Variants in FGF13 observed in about 807,000 individuals in gnomAD.
The protein encoded by FGF13 is fibroblast growth factor homologous factor 2.
In FGF13, 2 loss-of-function variants were observed where a neutral mutation model predicts 19.5. That is an observed-to-expected ratio of 0.10 (90% CI 0.04 to 0.32). The LOEUF (loss-of-function observed/expected upper bound fraction) is 0.32, where lower values mean the gene tolerates loss of function less well. FGF13 is among the 10% of genes least tolerant of loss of function. FGF13 has a pLI of 1.00. For missense variants in FGF13, 113 were observed against 192.7 expected (o/e 0.59, Z 2.45); for synonymous variants, 72 against 76.9 (o/e 0.94, Z 0.33).
chrX:138,942,683 T>C (rs1408181900), intron 1 of FGF13, among the ~76,000 whole-genome samples: 1 of 111,850 alleles, frequency 8.9e-6, no homozygotes, highest in East Asian at 2.8e-4. Context: ...AACAAATCTC[T>C]GGACAGTTAA....
At chrX:139,128,676 A>T (rs1371101571) in intron 1 of FGF13, among the ~76,000 whole-genome samples, 1 of 112,459 alleles carries the variant, frequency 8.9e-6, no homozygotes, top group Non-Finnish European at 1.9e-5. Flanking sequence ...TGAAATGATA[A>T]TATGAAAATT....
At chrX:138,676,842 A>G (rs1301925133) in intron 3 of FGF13, among the ~76,000 whole-genome samples, 1 of 112,043 alleles carries the variant, frequency 8.9e-6, no homozygotes, top group Admixed American at 9.5e-5. Flanking sequence ...CAGGTTCCTG[A>G]CAGGCCATGA....
At chrX:138,641,175 T>C (rs990302233) in intron 3 of FGF13, among the ~76,000 whole-genome samples, 3 of 112,414 alleles carry the variant, frequency 2.7e-5, no homozygotes, top group Admixed American at 9.4e-5. Context: ...GCAAGAACCA[T>C]AGAACACAGA....
intron 1 of FGF13, among the ~76,000 whole-genome samples, chrX:138,922,169 T>A (rs2091650066): frequency 9.8e-6 from 1 of 101,900 alleles, no homozygotes; most frequent in Non-Finnish European, 2.0e-5. Flanking sequence ...ACAAAAAAAA[T>A]GAAACTAAAT....
chrX:138,829,550 C>T (rs1372521958), intron 3 of FGF13, among the ~76,000 whole-genome samples: 1 of 111,417 alleles, frequency 9.0e-6, no homozygotes, highest in Non-Finnish European at 1.9e-5. Context: ...GCCAAATAAA[C>T]CTCTTTTCTT....
intron 3 of FGF13, among the ~76,000 whole-genome samples, chrX:138,778,707 G>A (rs2090611802): frequency 1.8e-5 from 2 of 112,213 alleles, no homozygotes; most frequent in African/African-American, 6.5e-5. Flanking sequence ...AACACTCTGA[G>A]ATCAAACAGC....
chrX:138,770,771 G>A (rs2090539244), intron 3 of FGF13, among the ~76,000 whole-genome samples: 1 of 111,761 alleles, frequency 8.9e-6, no homozygotes, highest in South Asian at 3.7e-4. Context: ...ATGAATCAGG[G>A]CCAAGAGTCT....
intron 1 of FGF13, among the ~76,000 whole-genome samples, chrX:138,976,142 G>C (rs2091938617): frequency 9.0e-6 from 1 of 111,365 alleles, no homozygotes; most frequent in Non-Finnish European, 1.9e-5. Context: ...GGCCCCTTGT[G>C]ACCACCGGAA....
At chrX:139,011,769 G>T (rs529063769) in intron 1 of FGF13, among the ~76,000 whole-genome samples, 1 of 111,482 alleles carries the variant, frequency 9.0e-6, no homozygotes, top group Non-Finnish European at 1.9e-5. Flanking sequence ...TTTCCCCTGA[G>T]AATTGGAACA....
intron 1 of FGF13, among the ~76,000 whole-genome samples, chrX:138,916,419 G>A (rs2091618621): frequency 9.0e-6 from 1 of 111,647 alleles, no homozygotes; most frequent in Admixed American, 9.5e-5. Context: ...AAGCTTACAG[G>A]TATGTCTGAT....
intron 1 of FGF13, among the ~76,000 whole-genome samples, chrX:138,872,921 G>A (rs1308098560): frequency 9.0e-6 from 1 of 111,333 alleles, no homozygotes; most frequent in African/African-American, 3.3e-5. Flanking sequence ...GGGGGACAAG[G>A]GTCTACTGTC....
intron 3 of FGF13, among the ~76,000 whole-genome samples, chrX:138,667,486 G>C (rs970085070): frequency 2.7e-5 from 3 of 110,915 alleles, no homozygotes; most frequent in African/African-American, 9.8e-5. Context: ...TAACTGTTCA[G>C]AAAGAAAAGC....
At chrX:139,013,142 A>G (rs1047010100) in intron 1 of FGF13, among the ~76,000 whole-genome samples, 2 of 111,292 alleles carry the variant, frequency 1.8e-5, no homozygotes, top group Non-Finnish European at 3.8e-5. Context: ...TCAAAATGCA[A>G]TAACACCTCA....
intron 3 of FGF13, among the ~76,000 whole-genome samples, chrX:138,684,900 C>T (rs1332319761): frequency 9.0e-6 from 1 of 111,132 alleles, no homozygotes; most frequent in Non-Finnish European, 1.9e-5. Flanking sequence ...TGAGTCCTTC[C>T]ATAAACAATT....
At chrX:138,875,997 C>CAT (rs2124172530) in intron 1 of FGF13, among the ~76,000 whole-genome samples, 1 of 88,092 alleles carries the variant, frequency 1.1e-5, no homozygotes, top group South Asian at 4.8e-4. Flanking sequence ...TCGGCTTGTA[C>CAT]ACACACACAC....
chrX:139,028,616 TGAGAGAGA>T (rs769711673), intron 1 of FGF13, among the ~76,000 whole-genome samples: 1 of 74,281 alleles, frequency 1.3e-5, no homozygotes. Context: ...TGTGTGTGTG[TGAGAGAGA>T]GAGAGAGAGA....
intron 1 of FGF13, among the ~76,000 whole-genome samples, chrX:139,087,587 A>G (rs902067480): frequency 8.9e-6 from 1 of 112,079 alleles, no homozygotes; most frequent in African/African-American, 3.2e-5. Context: ...TGATGGTTAT[A>G]TTGAGCAAAG....
intron 1 of FGF13, among the ~76,000 whole-genome samples, chrX:139,145,597 C>T (rs1038068560): frequency 1.8e-5 from 2 of 110,058 alleles, no homozygotes; most frequent in Admixed American, 1.9e-4. Flanking sequence ...AACAGTGGTG[C>T]CCCAGACCCA....
chrX:138,693,672 A>G (rs1039605103), intron 3 of FGF13, among the ~76,000 whole-genome samples: 7 of 112,005 alleles, frequency 6.2e-5, no homozygotes, highest in African/African-American at 2.3e-4. Context: ...ACACTTTTCC[A>G]ATTTTAAATA....
Sources: allele counts gnomAD v4.1 joint callset (sites outside exome capture counted in the v4.1 genomes callset), GRCh38; gene constraint gnomAD v4.1.1; transcripts MANE v1.5; gene names NCBI Gene and HGNC (gene_info 2026-07-23, HGNC 2026-07-21).